TIMM23: variants seen among roughly 807,000 people sequenced by gnomAD.
TIMM23 encodes the protein mitochondrial import inner membrane translocase subunit Tim23.
Under a neutral mutation model 30.7 loss-of-function variants are expected in TIMM23, and 19 were observed. The ratio of observed to expected loss-of-function variants is 0.62; its 90% CI spans 0.43 to 0.91. TIMM23 has a LOEUF of 0.91. TIMM23 is among the 40% of genes least tolerant of loss of function. The pLI, the probability that TIMM23 is intolerant of heterozygous loss-of-function variation, is 0.00. For missense variants in TIMM23, 202 were observed against 269.2 expected (o/e 0.75, Z 1.75); for synonymous variants, 78 against 98.5 (o/e 0.79, Z 1.23).
intron 6 of TIMM23, among the ~76,000 whole-genome samples, chr10:45,996,976 A>AAG (rs1838357931): frequency 6.6e-6 from 1 of 151,216 alleles, no homozygotes; most frequent in African/African-American, 2.4e-5. Flanking sequence ...AACAAAAAAA[A>AAG]AAAAAAAAAG....
intron 2 of TIMM23, among the ~76,000 whole-genome samples, chr10:45,981,863 T>C (rs1837857219): frequency 6.6e-6 from 1 of 152,198 alleles, no homozygotes; most frequent in Non-Finnish European, 1.5e-5. Context: ...TAAAGGTGCA[T>C]TGACTCTTCA....
At chr10:45,975,616 A>G (rs1554912928) in intron 2 of TIMM23, 104 bp downstream of exon 2, 4 of 1,459,250 alleles carry the variant, frequency 2.7e-6, no homozygotes, top group African/African-American at 1.4e-5. Context: ...TGGAGGCAGT[A>G]AGTCTCTGGT....
intron 6 of TIMM23, among the ~76,000 whole-genome samples, chr10:45,996,296 G>A (rs1473109953): frequency 6.9e-6 from 1 of 144,208 alleles, no homozygotes; most frequent in Admixed American, 6.9e-5. Flanking sequence ...TGGGAGGCAA[G>A]GCTTGCAGTG....
intron 1 of TIMM23, among the ~76,000 whole-genome samples, chr10:45,974,665 A>G (rs1338838384): frequency 4.6e-5 from 7 of 152,234 alleles, no homozygotes; most frequent in Non-Finnish European, 7.3e-5. Flanking sequence ...GCAAGGAGTT[A>G]GGAAATTGTT....
At chr10:45,998,877 G>A (rs981494758) in intron 6 of TIMM23, among the ~76,000 whole-genome samples, 4 of 148,980 alleles carry the variant, frequency 2.7e-5, no homozygotes, top group South Asian at 4.3e-4. Context: ...GTATCGCCGA[G>A]GCTAGAGTGC....
In TIMM23 at chr10:45,982,586, T is replaced by G; in HGVS notation, c.229T>G (p.Phe77Val). ...AACCCGGGGCAGATTTGAGCTGGCC[T>G]TCTTTACGATTGGAGGATGTTGCAT... The part of the protein sequence containing the change: ...NKTRGRFELA[F>V]FTIGGCCMTG... Residue 77 changes from phenylalanine to valine, a missense_variant, in exon 3 of 7, where the codon TTC becomes GTC. Physicochemically the swap from Phe to Val is conservative, Grantham distance 50 (BLOSUM62 -1). Coordinates refer to ENST00000580018, the MANE Select transcript of TIMM23 (RefSeq NM_006327.4). 1.2e-6 allele frequency: 2 copies of G among 1,613,972 alleles called. No individual in the cohort carries two copies. The highest frequency in any genetic ancestry group is 2.2e-5 in the South Asian group (2 of 91,076).
At chr10:46,000,412 G>A (rs1235611041) in intron 6 of TIMM23, among the ~76,000 whole-genome samples, 7 of 152,210 alleles carry the variant, frequency 4.6e-5, no homozygotes, top group African/African-American at 1.7e-4. Flanking sequence ...AACAGATGGG[G>A]TCTCACCATG....
intron 6 of TIMM23, among the ~76,000 whole-genome samples, chr10:45,995,472 A>G (rs1185236084): frequency 1.5e-5 from 2 of 136,620 alleles, no homozygotes; most frequent in Non-Finnish European, 3.1e-5. Flanking sequence ...TAATTAGTGT[A>G]CCTCATTTAT....
At chr10:45,975,221 C>CTTA (rs1288951042) in intron 1 of TIMM23, among the ~76,000 whole-genome samples, 1 of 152,206 alleles carries the variant, frequency 6.6e-6, no homozygotes, top group African/African-American at 2.4e-5. Flanking sequence ...CTGCAATTAT[C>CTTA]TTATTGGTGT....
chr10:45,998,895 C>G (rs1340890850), intron 6 of TIMM23, among the ~76,000 whole-genome samples: 1 of 144,650 alleles, frequency 6.9e-6, no homozygotes, highest in Non-Finnish European at 1.5e-5. Context: ...TGCAGTGATG[C>G]AATCTTTGCT....
intron 6 of TIMM23, among the ~76,000 whole-genome samples, chr10:46,001,361 T>G (rs1554917663): frequency 6.6e-6 from 1 of 152,172 alleles, no homozygotes; most frequent in African/African-American, 2.4e-5. Context: ...TCCCCCTACA[T>G]GACAGCTGTT....
chr10:45,996,530 T>G lies in TIMM23; in HGVS notation c.515-6673T>G, dbSNP rs1279644228. ...GAAACAAGTTCCATTAAGTGCTTATTGCTGAAGGTATAATTCAGTGAATGT... is the reference window on the plus strand; with the variant it reads ...GAAACAAGTTCCATTAAGTGCTTATGGCTGAAGGTATAATTCAGTGAATGT... On this transcript the variant is annotated intron_variant, in intron 6 of 6. Transcript: ENST00000580018. Among the ~76,000 whole-genome samples the G allele has an allele frequency of 2.6e-5, 4 of 151,888 alleles. No homozygotes were observed. The East Asian group carries it at 7.7e-4, about 29-fold the overall frequency.
intron 1 of TIMM23, among the ~76,000 whole-genome samples, chr10:45,974,972 AAATC>A (rs1189517332): frequency 6.6e-6 from 1 of 151,928 alleles, no homozygotes; most frequent in Non-Finnish European, 1.5e-5. Context: ...TTGCCACAGT[AAATC>A]AATCGTTAAT....
Position 45,982,805 on chromosome 10 carries a change from T to C in TIMM23, c.260-41T>C, listed in dbSNP as rs1464223347. The stretch of plus-strand genomic sequence containing the variant: ...CAGATTTGAGTTTGTTTTTTTAATA[T>C]AAAGCTGTCTTTATCTGGGTGAATT... On this transcript the variant is annotated intron_variant, in intron 3 of 6. Transcript: ENST00000580018. 4,190 of 1,613,854 alleles carry C rather than the reference T, an allele frequency of 2.6e-3. 30 individuals carry two copies. Among genetic ancestry groups the C allele is most frequent in the East Asian group, 0.014 (634 of 44,878 alleles).
intron 2 of TIMM23, among the ~76,000 whole-genome samples, chr10:45,980,944 C>CTTTTTT (rs782474869): frequency 8.0e-6 from 1 of 125,286 alleles, no homozygotes; most frequent in Non-Finnish European, 1.7e-5. Flanking sequence ...GTTTTCTTTT[C>CTTTTTT]TTTTTTTTTT....
intron 6 of TIMM23, 91 bp downstream of exon 6, chr10:45,988,938 C>T: frequency 4.2e-6 from 4 of 952,484 alleles, no homozygotes; most frequent in Non-Finnish European, 6.8e-6. Flanking sequence ...CACTCTGTTG[C>T]AGTATAATCT....
At chr10:45,977,352 A>G (rs1363304100) in intron 2 of TIMM23, among the ~76,000 whole-genome samples, 2 of 152,012 alleles carry the variant, frequency 1.3e-5, no homozygotes, top group Non-Finnish European at 2.9e-5. Flanking sequence ...CCACATCATG[A>G]TAGTAACATA....
At chr10:45,998,352 T>A (rs1172562216) in intron 6 of TIMM23, 2 of 984,636 alleles carry the variant, frequency 2.0e-6, no homozygotes, top group Admixed American at 6.1e-5. Flanking sequence ...GGTGCTTGCC[T>A]ATCGCTTTGG....
intron 4 of TIMM23, among the ~76,000 whole-genome samples, chr10:45,983,627 G>A (rs1469634867): frequency 1.3e-5 from 2 of 152,066 alleles, no homozygotes; most frequent in Non-Finnish European, 2.9e-5. Context: ...TGTATTCTTC[G>A]ATGGCTACTG....
Sources: gnomAD v4.1 joint callset for allele counts (sites outside exome capture counted in the v4.1 genomes callset) on GRCh38, gnomAD v4.1.1 for gene constraint, MANE v1.5 for transcripts, NCBI Gene and HGNC (gene_info 2026-07-23, HGNC 2026-07-21) for gene names.